Variants in BMPER observed in about 807,000 individuals in gnomAD.
BMPER encodes the protein BMP binding endothelial regulator, also known as BMP-binding endothelial regulator protein.
A neutral mutation model predicts 87.3 loss-of-function variants in BMPER; 45 were observed. The ratio of observed to expected loss-of-function variants is 0.52; its 90% CI spans 0.41 to 0.66. BMPER has a LOEUF of 0.66. BMPER is among the 30% of genes least tolerant of loss of function. The pLI, the probability that BMPER is intolerant of heterozygous loss-of-function variation, is 0.00. For synonymous variants in BMPER, 326 were observed against 316.2 expected (o/e 1.03, Z -0.33); for missense variants, 784 against 867.5 (o/e 0.90, Z 1.21).
chr7:33,926,897 T>C (rs1184069350), intron 2 of BMPER, among the ~76,000 whole-genome samples: 1 of 152,222 alleles, frequency 6.6e-6, no homozygotes, highest in African/African-American at 2.4e-5. Context: ...AACGTAAATA[T>C]AGCCTGGGAG....
chr7:34,077,495 C>A (rs1166601133), intron 11 of BMPER, among the ~76,000 whole-genome samples: 5 of 152,166 alleles, frequency 3.3e-5, no homozygotes, highest in Admixed American at 1.3e-4. Flanking sequence ...TTTATATATT[C>A]TTTCAAGTAT....
intron 6 of BMPER, among the ~76,000 whole-genome samples, chr7:34,045,293 C>A (rs1009293504): frequency 6.6e-6 from 1 of 152,178 alleles, no homozygotes; most frequent in African/African-American, 2.4e-5. Flanking sequence ...ATCAGCTTTG[C>A]CCGTTGGACG....
chr7:33,951,661 A>G (rs1785026989), intron 3 of BMPER, among the ~76,000 whole-genome samples: 1 of 152,186 alleles, frequency 6.6e-6, no homozygotes, highest in Non-Finnish European at 1.5e-5. Context: ...TGTGCCTGGT[A>G]CAGACTGGCT....
chr7:33,953,359 G>A (rs769075265), intron 3 of BMPER, among the ~76,000 whole-genome samples: 2 of 152,374 alleles, frequency 1.3e-5, no homozygotes, highest in African/African-American at 4.8e-5. Context: ...GAAGAATGAA[G>A]TGAAAAGAAG....
At chr7:34,046,237 A>G in intron 6 of BMPER, 69 bp from the exon 7 acceptor site, 1 of 1,442,850 alleles carries the variant, frequency 6.9e-7, no homozygotes, top group Non-Finnish European at 9.7e-7. Flanking sequence ...TTTGTTCTAG[A>G]TATCTTGGTT....
At position 34,143,375 on chromosome 7, in the gene BMPER, C is replaced by T; in HGVS notation, c.1876+15C>T. ...GAATTGTGCAGGTAAGAAAGTCCTG[C>T]TGGATCTACCCATCAAAAGTTTACT... On this transcript the variant is annotated intron_variant, in intron 14 of 14. Transcript: ENST00000649409. 1.2e-6 allele frequency: 2 copies of T among 1,613,608 alleles called. No homozygotes were observed. The highest frequency in any genetic ancestry group is 1.7e-6 in the Non-Finnish European group (2 of 1,179,712).
At chr7:34,099,019 T>C (rs1180998304) in intron 13 of BMPER, among the ~76,000 whole-genome samples, 1 of 152,196 alleles carries the variant, frequency 6.6e-6, no homozygotes, top group Non-Finnish European at 1.5e-5. Flanking sequence ...TGCCTGGAAG[T>C]CTGGGAAGCC....
chr7:33,912,308 G>A (rs1783984913), intron 2 of BMPER, among the ~76,000 whole-genome samples: 1 of 152,176 alleles, frequency 6.6e-6, no homozygotes, highest in Non-Finnish European at 1.5e-5. Flanking sequence ...CTGGCATCAT[G>A]GGGATTTTCC....
chr7:34,099,200 T>C (rs1789612345), intron 13 of BMPER, among the ~76,000 whole-genome samples: 1 of 152,150 alleles, frequency 6.6e-6, no homozygotes, highest in African/African-American at 2.4e-5. Flanking sequence ...ACCAACATTG[T>C]CCAAGGTAAC....
chr7:33,947,268 T>G (rs1485328283), intron 3 of BMPER, among the ~76,000 whole-genome samples: 3 of 152,224 alleles, frequency 2.0e-5, no homozygotes, highest in Non-Finnish European at 4.4e-5. Context: ...GTGTTTGTTA[T>G]CTGAATATAT....
At chr7:34,131,504 T>C (rs1339871976) in intron 13 of BMPER, among the ~76,000 whole-genome samples, 1 of 152,208 alleles carries the variant, frequency 6.6e-6, no homozygotes, top group Non-Finnish European at 1.5e-5. Context: ...TTTGTGCCTT[T>C]GCCTGTTTGT....
intron 13 of BMPER, among the ~76,000 whole-genome samples, chr7:34,092,364 G>A (rs1562738452): frequency 6.6e-6 from 1 of 152,158 alleles, no homozygotes; most frequent in Non-Finnish European, 1.5e-5. Context: ...CCCTCAGGTA[G>A]TGTTTGGGCT....
At chr7:34,106,008 C>T (rs529303089) in intron 13 of BMPER, among the ~76,000 whole-genome samples, 31 of 152,274 alleles carry the variant, frequency 2.0e-4, no homozygotes, top group African/African-American at 7.2e-4. Context: ...ACAACACTTG[C>T]GCCACACAAG....
intron 2 of BMPER, among the ~76,000 whole-genome samples, chr7:33,926,125 T>C (rs1430346751): frequency 6.6e-6 from 1 of 152,204 alleles, no homozygotes; most frequent in Non-Finnish European, 1.5e-5. Flanking sequence ...AAGATGTGTC[T>C]GATTCATATT....
intron 13 of BMPER, among the ~76,000 whole-genome samples, chr7:34,133,293 T>C (rs1790640215): frequency 6.6e-6 from 1 of 152,076 alleles, no homozygotes; most frequent in African/African-American, 2.4e-5. Context: ...TGGCTGGTGA[T>C]ATAATTAATC....
At chr7:34,124,602 T>A (rs35241933) in intron 13 of BMPER, among the ~76,000 whole-genome samples, 26,043 of 152,126 alleles carry the variant, frequency 0.17, 2,418 homozygotes, top group Non-Finnish European at 0.2. Flanking sequence ...ATCATGTCAT[T>A]TGCAAGCAAG....
At position 33,906,852 on chromosome 7, in the gene BMPER, C is replaced by T. The variant is rs112068976; in HGVS notation, c.168C>T (p.Val56=). Residue 56 remains valine, a synonymous_variant, in exon 2 of 15, where the codon GTC becomes GTT. Coordinates refer to ENST00000649409, the MANE Select transcript of BMPER (RefSeq NM_001365308.1). ...SVAKCENEGE[V]LQIPFITDNP... Reference sequence around the variant, plus strand: ...CAAAATGTGAAAATGAAGGTGAAGTCCTCCAGATTCCATTTATCACAGACA... The same window carrying T: ...CAAAATGTGAAAATGAAGGTGAAGTTCTCCAGATTCCATTTATCACAGACA... 326 of 1,613,904 alleles carry T rather than the reference C, an allele frequency of 2.0e-4. 3 individuals carry two copies. In the African/African-American group the frequency reaches 3.6e-3, roughly 18 times the overall value.
rs1789182880 is a variant in BMPER, at chr7:34,085,769, T to A, written c.1422T>A (p.Ser474=). The A allele has an allele frequency of 6.2e-7, 1 of 1,613,932 alleles. No homozygotes were observed. The change falls in exon 13 of 15, where the codon TCT becomes TCA. Residue 474 remains serine (S), a synonymous_variant. Coordinates refer to ENST00000649409, the MANE Select transcript of BMPER (RefSeq NM_001365308.1). The part of the protein sequence containing the change: ...KVTTKAGLEI[S]WDGDSFVEVM... ...CTCCTCCTCTAGGTTTGGAAATATC[T>A]TGGGATGGAGACAGTTTTGTAGAAG...
chr7:33,912,064 C>G (rs1002297565), intron 2 of BMPER, among the ~76,000 whole-genome samples: 1 of 152,128 alleles, frequency 6.6e-6, no homozygotes, highest in African/African-American at 2.4e-5. Flanking sequence ...GTCCAGTGAT[C>G]CCAGTGATCT....
Sources: allele counts gnomAD v4.1 joint callset (sites outside exome capture counted in the v4.1 genomes callset), GRCh38; gene constraint gnomAD v4.1.1; transcripts MANE v1.5; gene names NCBI Gene and HGNC (gene_info 2026-07-23, HGNC 2026-07-21).